Variants in PLCG2 observed in about 807,000 individuals in gnomAD.
PLCG2 encodes 1-phosphatidylinositol 4,5-bisphosphate phosphodiesterase gamma-2.
PLCG2 carries 69 observed loss-of-function variants against 175.6 expected under a neutral mutation model. The ratio of observed to expected loss-of-function variants is 0.39; its 90% confidence interval spans 0.32 to 0.48. The LOEUF (loss-of-function observed/expected upper bound fraction) is 0.48, where lower values mean the gene tolerates loss of function less well. Ranked by LOEUF, PLCG2 falls within the 20% of genes least tolerant of loss-of-function variation. The pLI, the probability that PLCG2 is intolerant of heterozygous loss-of-function variation, is 0.91. For missense variants in PLCG2, 1,798 were observed against 1,650.9 expected (o/e 1.09, Z -1.54); for synonymous variants, 827 against 624.0 (o/e 1.33, Z -4.85).
rs35027472 is a variant in PLCG2 at position 81,911,790 on chromosome 16, C to CTTTTT, written c.1935-786_1935-782dup. On this transcript the variant is annotated intron_variant, in intron 18 of 32. Coordinates refer to ENST00000564138, the MANE Select transcript of PLCG2 (RefSeq NM_002661.5). Reference sequence around the variant, plus strand: ...TGGGCCTGGCTAATTTTTGTATTTCCTTTTTTTTTTTTTTTTTTTTTTTTT... The same window carrying CTTTTT: ...TGGGCCTGGCTAATTTTTGTATTTCCTTTTTTTTTTTTTTTTTTTTTTTTTTTTTT... Among the ~76,000 whole-genome samples the CTTTTT allele has an allele frequency of 8.3e-4, 56 of 67,250 alleles. 2 individuals are homozygous for CTTTTT. Among genetic ancestry groups the CTTTTT allele is most frequent in the African/African-American group, 9.9e-4 (16 of 16,158 alleles). 44.1% of individuals were successfully genotyped at this position (67,250 alleles called of 152,430 possible).
chr16:81,777,437 T>TAA (rs750704164), upstream of PLCG2, among the ~76,000 whole-genome samples: 35 of 105,676 alleles, frequency 3.3e-4, no homozygotes, highest in African/African-American at 1.0e-3. Flanking sequence ...GCTGAAGTTC[T>TAA]AAAAAAAAAA....
intron 2 of PLCG2, chr16:81,799,051 C>T (rs1473119520): frequency 6.6e-6 from 1 of 152,300 alleles, no homozygotes; most frequent in East Asian, 1.9e-4. Context: ...CAGCGTGGCG[C>T]AGAGTGAACG....
chr16:81,774,765 G>T (rs1278283000), upstream of PLCG2, among the ~76,000 whole-genome samples: 21 of 151,560 alleles, frequency 1.4e-4, no homozygotes, highest in East Asian at 5.8e-4. Flanking sequence ...TTTGGTCAGG[G>T]TCTTACTCTG....
At chr16:81,956,906 AC>A (rs772474016) in intron 32 of PLCG2, 27 bp downstream of exon 32, 16 of 1,598,072 alleles carry the variant, frequency 1.0e-5, no homozygotes, top group Non-Finnish European at 1.3e-5. Flanking sequence ...ACCTGCAAAA[AC>A]TTTTGGGGGG....
intron 9 of PLCG2, among the ~76,000 whole-genome samples, chr16:81,887,034 C>A (rs1908401007): frequency 6.6e-6 from 1 of 151,988 alleles, no homozygotes; most frequent in Middle Eastern, 3.2e-3. Flanking sequence ...AGTACCCATG[C>A]CTTTTGATAA....
chr16:81,949,233 T>G (rs1489508922), intron 31 of PLCG2, among the ~76,000 whole-genome samples: 2 of 152,118 alleles, frequency 1.3e-5, no homozygotes, highest in Non-Finnish European at 2.9e-5. Context: ...ATTAATGAAA[T>G]AGCGAATAAA....
chr16:81,807,733 G>T (rs1057359715), intron 2 of PLCG2, among the ~76,000 whole-genome samples: 2 of 152,206 alleles, frequency 1.3e-5, no homozygotes, highest in Admixed American at 1.3e-4. Context: ...AAGGAAAGAG[G>T]TTTAATTGAC....
At chr16:81,745,723 C>G (rs1325855913) in intron 1 of PLCG2, among the ~76,000 whole-genome samples, 1 of 152,230 alleles carries the variant, frequency 6.6e-6, no homozygotes, top group Non-Finnish European at 1.5e-5. Context: ...CCCTGTAAAT[C>G]TCAGGTTCTG....
chr16:81,894,663 A>G (rs1323773801), intron 12 of PLCG2, among the ~76,000 whole-genome samples: 2 of 152,174 alleles, frequency 1.3e-5, no homozygotes, highest in Admixed American at 6.5e-5. Flanking sequence ...ACTTGAGATC[A>G]GGAGCTTGAG....
intron 9 of PLCG2, 155 bp downstream of exon 9, chr16:81,883,496 C>A (rs1274457953): frequency 1.3e-5 from 8 of 628,346 alleles, no homozygotes; most frequent in Non-Finnish European, 2.3e-5. Flanking sequence ...CGATTGCAGT[C>A]TGCCAGATGC....
At position 81,958,692 on chromosome 16, in the gene PLCG2, G is replaced by C. The variant is rs568361081; in HGVS notation, c.*694G>C. 4.5e-6 allele frequency: 1 copy of C among 221,596 alleles called. No homozygotes were observed. The highest frequency in any genetic ancestry group is 9.0e-6 in the Non-Finnish European group (1 of 110,724). 13.7% of individuals were successfully genotyped at this position (221,596 alleles called of 1,614,324 possible). On this transcript the variant is annotated 3_prime_UTR_variant, in exon 33 of 33. Coordinates refer to ENST00000564138, the MANE Select transcript of PLCG2 (RefSeq NM_002661.5). ...TTTGTTTTAAAAAGCCCATCAGAGA[G>C]ACCAGAGCCGTGCTGCAGGGGCAGG...
At chr16:81,878,471 A>T (rs1907923274) in intron 7 of PLCG2, among the ~76,000 whole-genome samples, 1 of 152,130 alleles carries the variant, frequency 6.6e-6, no homozygotes, top group Non-Finnish European at 1.5e-5. Context: ...TACTAGCTAT[A>T]ACTTTTTCTA....
In PLCG2 at chr16:81,908,604, A is replaced by G. The variant is rs754031758; in HGVS notation, c.1733+13A>G. The G allele has an allele frequency of 3.8e-6, 6 of 1,594,680 alleles. No individual in the cohort carries two copies. The highest frequency in any genetic ancestry group is 5.1e-6 in the Non-Finnish European group (6 of 1,169,880). On this transcript the variant is annotated intron_variant, in intron 17 of 32. Transcript: ENST00000564138. ...CCCTGTCCTTCTGGTAATGCCCCCG[A>G]CCCAGGGAACGCCTACCTTCTTCTC...
rs531643444 is a variant in PLCG2 at position 81,826,455 on chromosome 16, A to G, written c.194-27989A>G. ...TGTGACCTTGAGGTCAAAGTGCTCG[A>G]CCTCGTGTGCCTCAGTCTCCTCACT... On this transcript the variant is annotated intron_variant, in intron 2 of 32. Transcript: ENST00000564138. Among the ~76,000 whole-genome samples, 48 of 152,256 alleles carry G rather than the reference A, an allele frequency of 3.2e-4. 2 individuals are homozygous for G. The highest frequency in any genetic ancestry group is 1.2e-4 in the Non-Finnish European group (8 of 68,024).
At chr16:81,791,557 G>C (rs539904366) in intron 2 of PLCG2, among the ~76,000 whole-genome samples, 47 of 152,270 alleles carry the variant, frequency 3.1e-4, no homozygotes, top group Middle Eastern at 3.4e-3. Context: ...ACTGAGCTTA[G>C]CTGGGATTAT....
intron 9 of PLCG2, among the ~76,000 whole-genome samples, chr16:81,886,372 T>A (rs1043096582): frequency 1.3e-5 from 2 of 152,226 alleles, no homozygotes; most frequent in Non-Finnish European, 2.9e-5. Context: ...GATGCTCATA[T>A]GGAATAATCA....
At chr16:81,792,480 C>CAAAAAAAAAAAAAAATAAAAAAAAA (rs1911279637) in intron 2 of PLCG2, among the ~76,000 whole-genome samples, 1 of 70,162 alleles carries the variant, frequency 1.4e-5, no homozygotes, top group African/African-American at 6.7e-5. Flanking sequence ...GGCTCTGTCT[C>CAAAAAAAAAAAAAAATAAAAAAAAA]AAAAAAAAAA....
Position 81,959,673 on chromosome 16 carries a change from T to C in PLCG2, c.*1675T>C, listed in dbSNP as rs1911709694. 1.6e-5 allele frequency: 3 copies of C among 186,556 alleles called. No individual in the cohort carries two copies. The East Asian group carries it at 2.6e-4, about 16-fold the overall frequency. 11.6% of individuals were successfully genotyped at this position (186,556 alleles called of 1,614,324 possible). ...AAAGAACATTCCTCTTAGTGGCAGATGTTCAAAGCAACTTTCAAGAAAGGC... is the reference window on the plus strand; with the variant it reads ...AAAGAACATTCCTCTTAGTGGCAGACGTTCAAAGCAACTTTCAAGAAAGGC... On this transcript the variant is annotated 3_prime_UTR_variant, in exon 33 of 33. Transcript: ENST00000564138.
chr16:81,890,995 T>C (rs1026691374), intron 10 of PLCG2, among the ~76,000 whole-genome samples: 2 of 152,136 alleles, frequency 1.3e-5, no homozygotes, highest in African/African-American at 2.4e-5. Context: ...AAATTCTGTC[T>C]CTACTAAAAA....
Sources: gnomAD v4.1 joint callset for allele counts (sites outside exome capture counted in the v4.1 genomes callset) on GRCh38, gnomAD v4.1.1 for gene constraint, MANE v1.5 for transcripts, NCBI Gene and HGNC (gene_info 2026-07-23, HGNC 2026-07-21) for gene names.